Variants in SLC4A10 observed in about 807,000 individuals in gnomAD.
SLC4A10 encodes the protein sodium-driven chloride bicarbonate exchanger.
A neutral mutation model predicts 137.7 loss-of-function variants in SLC4A10; 42 were observed. The observed-to-expected ratio is 0.30, with a 90% CI of 0.24 to 0.39. The LOEUF (loss-of-function observed/expected upper bound fraction) is 0.39. Ranked by LOEUF, SLC4A10 falls within the 10% of genes least tolerant of loss-of-function variation. The pLI is 1.00. For synonymous variants in SLC4A10, 474 were observed against 464.1 expected (o/e 1.02, Z -0.27); for missense variants, 925 against 1,355.0 (o/e 0.68, Z 4.98).
intron 3 of SLC4A10, among the ~76,000 whole-genome samples, chr2:161,836,601 G>A (rs55833749): frequency 0.02 from 486 of 24,008 alleles, 16 homozygotes; most frequent in East Asian, 0.2. Flanking sequence ...AGAAAGAAAG[G>A]AAGGAAGGAA....
chr2:161,754,078 G>T (rs1213957129), intron 1 of SLC4A10, among the ~76,000 whole-genome samples: 1 of 151,764 alleles, frequency 6.6e-6, no homozygotes, highest in Non-Finnish European at 1.5e-5. Flanking sequence ...TTTTAGTAGA[G>T]TGTGAGTTTC....
intron 1 of SLC4A10, among the ~76,000 whole-genome samples, chr2:161,644,529 C>A (rs1046768057): frequency 3.3e-5 from 5 of 151,946 alleles, no homozygotes; most frequent in African/African-American, 1.2e-4. Context: ...TGCTTCACAT[C>A]GTGGTGAAGT....
chr2:161,920,273 CG>C (rs933908837), intron 15 of SLC4A10, among the ~76,000 whole-genome samples: 2 of 152,140 alleles, frequency 1.3e-5, no homozygotes, highest in African/African-American at 4.8e-5. Context: ...AATGACACCC[CG>C]GGGACCTCAT....
chr2:161,839,724 G>T, intron 3 of SLC4A10, 65 bp from the exon 4 acceptor site: 3 of 1,583,446 alleles, frequency 1.9e-6, no homozygotes, highest in Non-Finnish European at 2.6e-6. Context: ...GCAGTGACTG[G>T]GACATTTTAA....
chr2:161,873,530 CAAAAAAA>C (rs759717096), intron 7 of SLC4A10, among the ~76,000 whole-genome samples: 41 of 17,334 alleles, frequency 2.4e-3, no homozygotes, highest in African/African-American at 9.0e-3. Flanking sequence ...GACCACATCT[CAAAAAAA>C]AAAAAAAAAA....
At chr2:161,950,050 A>G (rs1694520894) in intron 18 of SLC4A10, among the ~76,000 whole-genome samples, 1 of 151,970 alleles carries the variant, frequency 6.6e-6, no homozygotes, top group Non-Finnish European at 1.5e-5. Context: ...TTTGAGAATC[A>G]TCTCAGACAG....
chr2:161,944,275 T>C (rs552538221), intron 16 of SLC4A10, among the ~76,000 whole-genome samples: 60 of 151,970 alleles, frequency 3.9e-4, no homozygotes, highest in Non-Finnish European at 7.5e-4. Flanking sequence ...CTACACTTTC[T>C]TTGGTAAACT....
chr2:161,681,897 A>G (rs772600920), intron 1 of SLC4A10, among the ~76,000 whole-genome samples: 2 of 152,092 alleles, frequency 1.3e-5, no homozygotes, highest in African/African-American at 2.4e-5. Flanking sequence ...TGCCATACCT[A>G]TCCTTCTCTC....
intron 4 of SLC4A10, among the ~76,000 whole-genome samples, chr2:161,841,617 G>A (rs148055930): frequency 1.3e-3 from 195 of 152,212 alleles, no homozygotes; most frequent in African/African-American, 4.5e-3. Context: ...CAATGGCCCA[G>A]TTAATTCTTG....
intron 1 of SLC4A10, among the ~76,000 whole-genome samples, chr2:161,752,956 C>A (rs1408452014): frequency 6.6e-6 from 1 of 152,020 alleles, no homozygotes; most frequent in Non-Finnish European, 1.5e-5. Flanking sequence ...TGTTAATTAG[C>A]TTGATTTAGC....
chr2:161,673,138 A>G (rs549754350), intron 1 of SLC4A10, among the ~76,000 whole-genome samples: 1 of 152,328 alleles, frequency 6.6e-6, no homozygotes, highest in South Asian at 2.1e-4. Context: ...GAAGTAGTGG[A>G]ATAATTAACA....
chr2:161,848,315 T>C (rs192937387), intron 4 of SLC4A10, among the ~76,000 whole-genome samples: 1 of 152,322 alleles, frequency 6.6e-6, no homozygotes, highest in African/African-American at 2.4e-5. Flanking sequence ...GCAAACATTT[T>C]CTCCTACTCT....
chr2:161,666,523 T>A (rs1312348637), intron 1 of SLC4A10, among the ~76,000 whole-genome samples: 2 of 151,732 alleles, frequency 1.3e-5, no homozygotes. Context: ...ACTACCTAAT[T>A]AACATACTTT....
intron 1 of SLC4A10, among the ~76,000 whole-genome samples, chr2:161,759,963 C>T (rs946328513): frequency 1.3e-5 from 2 of 151,854 alleles, no homozygotes; most frequent in East Asian, 1.9e-4. Flanking sequence ...CTTGTTTCTT[C>T]TGTTTTGTTA....
At chr2:161,799,401 A>T (rs958304345) in intron 2 of SLC4A10, among the ~76,000 whole-genome samples, 2 of 151,890 alleles carry the variant, frequency 1.3e-5, no homozygotes, top group Non-Finnish European at 2.9e-5. Flanking sequence ...GGAAAAATTG[A>T]TGGTAATATT....
rs1218102561 is a variant in SLC4A10 at position 161,983,286 on chromosome 2, T to C, written c.*134T>C. The C allele has an allele frequency of 7.3e-6, 11 of 1,502,088 alleles. No individual in the cohort carries two copies. Among genetic ancestry groups the C allele is most frequent in the South Asian group, 6.1e-5 (5 of 82,150 alleles). 93.0% of individuals were successfully genotyped at this position (1,502,088 alleles called of 1,614,324 possible). On this transcript the variant is annotated 3_prime_UTR_variant, in exon 27 of 27. Coordinates refer to ENST00000446997, the MANE Select transcript of SLC4A10 (RefSeq NM_001178015.2). ...ATTTTTTACATATATATGAGAAGAG[T>C]GTCACAATTATTAATAAAACTGCTT...
intron 1 of SLC4A10, among the ~76,000 whole-genome samples, chr2:161,702,101 C>T (rs1384431818): frequency 2.0e-5 from 3 of 151,830 alleles, no homozygotes; most frequent in African/African-American, 7.3e-5. Flanking sequence ...TATCTGCATT[C>T]CCATGTTTAT....
chr2:161,970,383 T>C (rs868535393), intron 23 of SLC4A10, among the ~76,000 whole-genome samples: 4 of 152,218 alleles, frequency 2.6e-5, no homozygotes, highest in Non-Finnish European at 5.9e-5. Context: ...ATAACACTTA[T>C]GGTTTTCAAA....
chr2:161,655,222 A>G (rs2037345263), intron 1 of SLC4A10, among the ~76,000 whole-genome samples: 1 of 152,022 alleles, frequency 6.6e-6, no homozygotes, highest in Non-Finnish European at 1.5e-5. Flanking sequence ...TTGATTTTGT[A>G]TCTTGCAATA....
Sources: allele counts gnomAD v4.1 joint callset (sites outside exome capture counted in the v4.1 genomes callset), GRCh38; gene constraint gnomAD v4.1.1; transcripts MANE v1.5; gene names NCBI Gene and HGNC (gene_info 2026-07-23, HGNC 2026-07-21).